DGLUCY: variants seen among roughly 807,000 people sequenced by gnomAD.
DGLUCY encodes D-glutamate cyclase, also known as D-glutamate cyclase, mitochondrial.
DGLUCY carries 58 observed loss-of-function variants against 58.5 expected under a neutral mutation model. The observed-to-expected ratio is 0.99, with a 90% CI of 0.80 to 1.23. The LOEUF (loss-of-function observed/expected upper bound fraction) is 1.23, where lower values mean the gene tolerates loss of function less well. Among genes scored for constraint, DGLUCY ranks in the 50% most tolerant of loss-of-function variants. The probability of loss-of-function intolerance (pLI) is 0.00; values close to 1 mark genes in which losing one functional copy is unlikely to be tolerated. For missense variants in DGLUCY, 779 were observed against 784.7 expected (o/e 0.99, Z 0.09); for synonymous variants, 325 against 314.1 (o/e 1.03, Z -0.37).
intron 7 of DGLUCY, among the ~76,000 whole-genome samples, chr14:91,179,549 C>G (rs1373807425): frequency 6.6e-6 from 1 of 151,994 alleles, no homozygotes; most frequent in African/African-American, 2.4e-5. Context: ...GTCAGGAGTT[C>G]GAGCCAGCCT....
chr14:91,106,312 C>A (rs1299417643), upstream of DGLUCY, among the ~76,000 whole-genome samples: 13 of 141,732 alleles, frequency 9.2e-5, no homozygotes, highest in African/African-American at 3.9e-4. Flanking sequence ...CATTCCCTAC[C>A]CCCCCCCAAA....
intron 1 of DGLUCY, among the ~76,000 whole-genome samples, chr14:91,070,872 C>T (rs1692307596): frequency 6.6e-6 from 1 of 152,156 alleles, no homozygotes; most frequent in South Asian, 2.1e-4. Flanking sequence ...AAAGCACACA[C>T]TGTGTCAAGG....
At chr14:91,142,719 G>C (rs889997109) in intron 1 of DGLUCY, among the ~76,000 whole-genome samples, 6 of 151,966 alleles carry the variant, frequency 3.9e-5, no homozygotes, top group South Asian at 2.1e-4. Context: ...AGCACTTTGG[G>C]TTGGGAGGCT....
At chr14:91,070,666 A>T (rs920762902) in intron 1 of DGLUCY, among the ~76,000 whole-genome samples, 35 of 152,232 alleles carry the variant, frequency 2.3e-4, no homozygotes, top group Non-Finnish European at 3.8e-4. Context: ...AGAATGAACA[A>T]GAGGGAAAAC....
chr14:91,162,022 G>A (rs1197708515), intron 3 of DGLUCY, among the ~76,000 whole-genome samples: 1 of 152,060 alleles, frequency 6.6e-6, no homozygotes, highest in Non-Finnish European at 1.5e-5. Context: ...GGAGCCTGGA[G>A]GGAGACAGCC....
At chr14:91,190,113 G>C (rs928902815) in intron 9 of DGLUCY, among the ~76,000 whole-genome samples, 1 of 147,422 alleles carries the variant, frequency 6.8e-6, no homozygotes, top group African/African-American at 2.5e-5. Context: ...TCAGCCTCCC[G>C]AGTAGCTGGG....
intron 1 of DGLUCY, among the ~76,000 whole-genome samples, chr14:91,133,317 AAAGAATTTCAT>A (rs1382218203): frequency 6.6e-6 from 1 of 152,072 alleles, no homozygotes; most frequent in Non-Finnish European, 1.5e-5. Flanking sequence ...CAACAACAAC[AAAGAATTTCAT>A]TCTTTTTAAA....
At chr14:91,193,235 G>A (rs1046169859) in intron 9 of DGLUCY, among the ~76,000 whole-genome samples, 1 of 152,184 alleles carries the variant, frequency 6.6e-6, no homozygotes, top group Non-Finnish European at 1.5e-5. Context: ...AAGGGCTGCC[G>A]ACGGCGTAGA....
intron 7 of DGLUCY, among the ~76,000 whole-genome samples, chr14:91,180,101 G>C (rs1368412263): frequency 6.6e-6 from 1 of 150,778 alleles, no homozygotes; most frequent in Non-Finnish European, 1.5e-5. Context: ...TGTTGCCCAG[G>C]CTGGTCTTGA....
chr14:91,120,218 G>GAA (rs529811579), intron 1 of DGLUCY, among the ~76,000 whole-genome samples: 192 of 152,212 alleles, frequency 1.3e-3, no homozygotes, highest in Middle Eastern at 3.4e-3. Context: ...CTCCGGGCAG[G>GAA]TGTCCTTCCT....
rs753686874 is a variant in DGLUCY, at chr14:91,215,555, A to G, written c.1715A>G (p.Lys572Arg). The G allele has an allele frequency of 2.5e-6, 4 of 1,613,632 alleles. No individual in the cohort carries two copies. In the Admixed American group the frequency reaches 5.0e-5, roughly 20 times the overall value. ...ACTCAGGCCCTCCCGTCGGTCATTA[A>G]GGTAACAAACCCCAGCCAGCCGCTC... ...AWTQALPSVI[K>R]EEKMLGILVQ... Residue 572 changes from lysine (K) to arginine (R), a missense_variant and splice_region_variant, in exon 13 of 14, where the codon AAG becomes AGG. By Grantham distance (26) the Lys-to-Arg change is conservative. Coordinates refer to ENST00000256324, the MANE Select transcript of DGLUCY (RefSeq NM_001102368.3).
At position 91,115,778 on chromosome 14, in the gene DGLUCY, G is replaced by A. The variant is rs114270476; in HGVS notation, c.-82+1495G>A. Among the ~76,000 whole-genome samples the A allele has an allele frequency of 7.3e-3, 1,115 of 152,316 alleles. 22 individuals carry two copies. Among genetic ancestry groups the A allele is most frequent in the African/African-American group, 0.025 (1,051 of 41,562 alleles). ...CTAGATCCCCGGAGGCCAACTGGTG[G>A]CCCCTGACATGTTTTATTTGTAAGA... On this transcript the variant is annotated intron_variant, in intron 1 of 13. Coordinates refer to ENST00000256324, the MANE Select transcript of DGLUCY (RefSeq NM_001102368.3).
intron 1 of DGLUCY, among the ~76,000 whole-genome samples, chr14:91,143,962 C>G (rs530025010): frequency 3.3e-5 from 5 of 152,288 alleles, no homozygotes; most frequent in African/African-American, 1.2e-4. Flanking sequence ...CCATCCAGCT[C>G]TGTGCCACCG....
At chr14:91,117,007 A>G (rs2045007185) in intron 1 of DGLUCY, among the ~76,000 whole-genome samples, 1 of 151,668 alleles carries the variant, frequency 6.6e-6, no homozygotes, top group South Asian at 2.1e-4. Flanking sequence ...GACTGAGTAT[A>G]CTTAACGGTT....
chr14:91,179,699 C>T (rs1419109876), intron 7 of DGLUCY, among the ~76,000 whole-genome samples: 11 of 150,108 alleles, frequency 7.3e-5, no homozygotes, highest in South Asian at 2.1e-4. Flanking sequence ...TGCAGTGAGC[C>T]GAGATCGCAC....
Position 91,078,555 on chromosome 14 carries a change from C to T in DGLUCY, c.-82+17851C>T, listed in dbSNP as rs369734182. On this transcript the variant is annotated intron_variant, in intron 1 of 4. Coordinates refer to the DGLUCY transcript ENST00000521334. Reference sequence around the variant, plus strand: ...CTTCATTCACTGTCTTTCTGTGAACCAGCATGTGCCTCATTTTGAAAACAC... The same window carrying T: ...CTTCATTCACTGTCTTTCTGTGAACTAGCATGTGCCTCATTTTGAAAACAC... Among the ~76,000 whole-genome samples, 14 of 152,288 alleles carry T rather than the reference C, an allele frequency of 9.2e-5. No individual in the cohort carries two copies. The East Asian group carries it at 2.5e-3, about 27-fold the overall frequency.
At chr14:91,191,349 A>T (rs2049880444) in intron 9 of DGLUCY, among the ~76,000 whole-genome samples, 1 of 152,142 alleles carries the variant, frequency 6.6e-6, no homozygotes, top group Non-Finnish European at 1.5e-5. Flanking sequence ...GTTTGGGATG[A>T]TGAGAAAGTT....
chr14:91,179,265 A>G (rs994744035), intron 7 of DGLUCY, among the ~76,000 whole-genome samples: 1 of 152,262 alleles, frequency 6.6e-6, no homozygotes, highest in African/African-American at 2.4e-5. Context: ...TGAGCTAGGC[A>G]TAAGGAACTA....
intron 9 of DGLUCY, among the ~76,000 whole-genome samples, chr14:91,192,295 C>T (rs1301930370): frequency 1.3e-5 from 2 of 151,700 alleles, no homozygotes; most frequent in Non-Finnish European, 2.9e-5. Flanking sequence ...CTAGAGTAGG[C>T]AAACTCATAG....
Sources: allele counts gnomAD v4.1 joint callset (sites outside exome capture counted in the v4.1 genomes callset), GRCh38; gene constraint gnomAD v4.1.1; transcripts MANE v1.5; gene names NCBI Gene and HGNC (gene_info 2026-07-23, HGNC 2026-07-21).